Variants in VWA2 observed in about 807,000 individuals in gnomAD.
VWA2 encodes the protein von Willebrand factor A domain containing 2.
VWA2 carries 73 observed loss-of-function variants against 70.4 expected under a neutral mutation model. That is an observed-to-expected ratio of 1.04 (90% CI 0.86 to 1.26). The LOEUF is 1.26. VWA2 is among the 50% of genes most tolerant of loss of function. The pLI is 0.00. For synonymous variants in VWA2, 407 were observed against 423.3 expected (o/e 0.96, Z 0.47); for missense variants, 1,011 against 998.5 (o/e 1.01, Z -0.17).
At chr10:114,290,582 G>A (rs1157876964) in intron 13 of VWA2, among the ~76,000 whole-genome samples, 1 of 152,214 alleles carries the variant, frequency 6.6e-6, no homozygotes, top group Non-Finnish European at 1.5e-5. Context: ...TAAAACCTCT[G>A]CCCTCATGGA....
In VWA2 at chr10:114,286,287, T is replaced by C; in HGVS notation, c.1346T>C (p.Val449Ala). ...GGCCAGGACCGGCCACGTAGAGTGG[T>C]GGTTTTGCTCACTGAGTCACACTCC... ...RTGQDRPRRVVVLLTESHSED... is the reference protein window; with the variant it reads ...RTGQDRPRRVAVLLTESHSED... Residue 449 changes from valine (V) to alanine (A), a missense_variant, in exon 11 of 14, where the codon GTG becomes GCG. Transcript: ENST00000392982. 6.2e-7 allele frequency: 1 copy of C among 1,609,606 alleles called. No homozygotes were observed.
intron 5 of VWA2, among the ~76,000 whole-genome samples, chr10:114,268,578 C>T (rs113580684): frequency 1.5e-3 from 235 of 152,326 alleles, no homozygotes; most frequent in African/African-American, 5.0e-3. Context: ...CAGTTACTGT[C>T]ACTATTCTCT....
chr10:114,287,336 A>C (rs1355533085), intron 11 of VWA2, among the ~76,000 whole-genome samples: 2 of 152,116 alleles, frequency 1.3e-5, no homozygotes, highest in Non-Finnish European at 2.9e-5. Flanking sequence ...GCACACCACC[A>C]TGCCCAGCTA....
At chr10:114,273,674 T>G (rs2037760047) in intron 6 of VWA2, among the ~76,000 whole-genome samples, 1 of 152,242 alleles carries the variant, frequency 6.6e-6, no homozygotes, top group African/African-American at 2.4e-5. Flanking sequence ...GCACTGTGTT[T>G]GCACACAGAA....
intron 2 of VWA2, among the ~76,000 whole-genome samples, chr10:114,251,799 G>T (rs891476845): frequency 2.0e-5 from 3 of 151,048 alleles, no homozygotes; most frequent in Non-Finnish European, 4.4e-5. Flanking sequence ...ATCTCTGAAT[G>T]CAGTGAGCAG....
At chr10:114,261,095 A>AG in intron 4 of VWA2, 91 bp from the exon 5 acceptor site, 3 of 861,168 alleles carry the variant, frequency 3.5e-6, no homozygotes, top group Non-Finnish European at 5.7e-6. Context: ...GATGGGAGGC[A>AG]GGGTTGTTAA....
intron 5 of VWA2, among the ~76,000 whole-genome samples, chr10:114,263,052 G>A (rs897292208): frequency 6.6e-6 from 1 of 152,188 alleles, no homozygotes; most frequent in African/African-American, 2.4e-5. Flanking sequence ...GTCTCACTGT[G>A]TTGCCTAGGC....
chr10:114,245,281 G>T (rs892643080), intron 1 of VWA2, among the ~76,000 whole-genome samples: 8 of 152,182 alleles, frequency 5.3e-5, no homozygotes, highest in African/African-American at 1.4e-4. Flanking sequence ...GCTTAAGTTG[G>T]TCTCATAGCA....
Position 114,263,280 on chromosome 10 carries a change from G to T in VWA2, c.371+1985G>T, listed in dbSNP as rs1035070066. Among the ~76,000 whole-genome samples, 5 of 150,552 alleles carry T rather than the reference G, an allele frequency of 3.3e-5. 1 individual carries two copies. Among genetic ancestry groups the T allele is most frequent in the Admixed American group, 3.3e-4 (5 of 15,128 alleles). ...TCCACCTGTCTTGCCCTCCCAAGGT[G>T]CTGGGATTACAGGTGTGAGCCACTG... On this transcript the variant is annotated intron_variant, in intron 5 of 13. Transcript: ENST00000392982.
At chr10:114,262,937 G>A (rs759408659) in intron 5 of VWA2, among the ~76,000 whole-genome samples, 6 of 152,102 alleles carry the variant, frequency 3.9e-5, no homozygotes, top group African/African-American at 9.7e-5. Flanking sequence ...GCCTTGCTCC[G>A]TATCTTTGAC....
intron 4 of VWA2, among the ~76,000 whole-genome samples, chr10:114,255,650 C>T (rs1432104209): frequency 2.6e-5 from 4 of 152,236 alleles, no homozygotes; most frequent in Admixed American, 2.6e-4. Context: ...CTCTCTTGCA[C>T]TTGAGAGGAA....
At chr10:114,282,872 A>G (rs1298676833) in intron 9 of VWA2, among the ~76,000 whole-genome samples, 2 of 152,204 alleles carry the variant, frequency 1.3e-5, no homozygotes, top group African/African-American at 4.8e-5. Flanking sequence ...GCCAGCACCA[A>G]ACTCAGGGCA....
intron 6 of VWA2, among the ~76,000 whole-genome samples, chr10:114,273,364 A>C (rs891641115): frequency 6.6e-6 from 1 of 152,094 alleles, no homozygotes; most frequent in Non-Finnish European, 1.5e-5. Flanking sequence ...GGAGCTGTGG[A>C]CGGTGCCCAG....
At chr10:114,282,662 G>T in intron 9 of VWA2, 91 bp downstream of exon 9, 2 of 1,179,196 alleles carry the variant, frequency 1.7e-6, no homozygotes, top group South Asian at 2.5e-5. Flanking sequence ...GGGACAGAGG[G>T]TGGGGTTGTG....
Position 114,278,738 on chromosome 10 carries a change from C to G in VWA2, c.720C>G (p.His240Gln). 2 of 1,613,968 alleles carry G rather than the reference C, an allele frequency of 1.2e-6. No individual in the cohort carries two copies. The highest frequency in any genetic ancestry group is 1.7e-6 in the Non-Finnish European group (2 of 1,180,028). ...SATPDCRVEA[H>Q]PCEHRTLEMV... ...ACACAGACTGCAGGGTCGAGGCTCA[C>G]CCCTGTGAGCACAGGACGCTGGAGA... Residue 240 changes from histidine to glutamine, a missense_variant, in exon 8 of 14, where the codon CAC (histidine) becomes CAG (glutamine). By Grantham distance (24) the His-to-Gln change is conservative (BLOSUM62 0). Transcript: ENST00000392982.
At chr10:114,260,081 T>G (rs1379114687) in intron 4 of VWA2, among the ~76,000 whole-genome samples, 2 of 152,156 alleles carry the variant, frequency 1.3e-5, no homozygotes, top group East Asian at 3.9e-4. Context: ...CTTGGCCCAT[T>G]TGCACTCTTG....
chr10:114,260,280 C>T (rs757250570), intron 4 of VWA2, among the ~76,000 whole-genome samples: 5 of 152,150 alleles, frequency 3.3e-5, no homozygotes, highest in African/African-American at 4.8e-5. Flanking sequence ...TTCCTTTCTC[C>T]AGTTTTGCAA....
chr10:114,288,633 G>A (rs530604400), intron 11 of VWA2, among the ~76,000 whole-genome samples: 1 of 152,366 alleles, frequency 6.6e-6, no homozygotes, highest in African/African-American at 2.4e-5. Context: ...AGGGGAAGTG[G>A]AAGGTAAGCA....
Position 114,282,532 on chromosome 10 carries a change from C to T in VWA2, c.850C>T (p.Leu284=), listed in dbSNP as rs1286391743. 2 of 1,614,062 alleles carry T rather than the reference C, an allele frequency of 1.2e-6. No homozygotes were observed. The highest frequency in any genetic ancestry group is 2.2e-5 in the East Asian group (1 of 44,880). The change falls in exon 9 of 14, where the codon CTA becomes TTA. Residue 284 remains leucine (L), a synonymous_variant. Coordinates refer to ENST00000392982, the MANE Select transcript of VWA2 (RefSeq NM_001272046.2). ...GGATTGTAGCTGGAAGAGAGTGTTC[C>T]TAACCCACCCTGCCACCTGCTACAG... ...CPFYSWKRVF[L]THPATCYRTT...
Sources: gnomAD v4.1 joint callset for allele counts (sites outside exome capture counted in the v4.1 genomes callset) on GRCh38, gnomAD v4.1.1 for gene constraint, MANE v1.5 for transcripts, NCBI Gene and HGNC (gene_info 2026-07-23, HGNC 2026-07-21) for gene names.